Variants in MSANTD2 observed in about 807,000 individuals in gnomAD.
The protein encoded by MSANTD2 is myb/SANT-like DNA-binding domain-containing protein 2.
Under a neutral mutation model 52.6 loss-of-function variants are expected in MSANTD2, and 19 were observed. The ratio of observed to expected loss-of-function variants is 0.36; its 90% CI spans 0.25 to 0.53. MSANTD2 has a LOEUF of 0.53. Among genes scored for constraint, MSANTD2 ranks in the 20% least tolerant of loss-of-function variants. The pLI is 0.91. For synonymous variants in MSANTD2, 291 were observed against 289.7 expected (o/e 1.00, Z -0.04); for missense variants, 558 against 716.3 (o/e 0.78, Z 2.52).
At chr11:124,784,340 T>C (rs1349014763) in intron 1 of MSANTD2, 1 of 984,918 alleles carries the variant, frequency 1.0e-6, no homozygotes, top group African/African-American at 1.7e-5. Context: ...CTTTTATTAG[T>C]ATGTGATATC....
In MSANTD2 at chr11:124,780,230, C is replaced by A. The variant is rs142486958; in HGVS notation, c.511-5256G>T. On this transcript the variant is annotated intron_variant, in intron 1 of 3. Transcript: ENST00000374979. ...ATAAATTTCTATGTACATCTTTTGA[C>A]ACAGAGCTGTAACTAATGATTAGGA... Among the ~76,000 whole-genome samples the A allele has an allele frequency of 1.2e-3, 179 of 152,248 alleles. 1 individual carries two copies. The highest frequency in any genetic ancestry group is 4.4e-3 in the East Asian group (23 of 5,188).
chr11:124,799,456 C>A lies in MSANTD2; in HGVS notation c.510+415G>T, dbSNP rs565051285. Among the ~76,000 whole-genome samples, 53 of 152,350 alleles carry A rather than the reference C, an allele frequency of 3.5e-4. No individual in the cohort carries two copies. The East Asian group carries it at 3.9e-3, about 11-fold the overall frequency. ...CTAAACTAGGGGCTCAATGCCCCCC[C>A]CTTCTGCCCTTCCTCAATCCTGCCC... On this transcript the variant is annotated intron_variant, in intron 1 of 3. Transcript: ENST00000374979.
intron 2 of MSANTD2, 163 bp from the exon 3 acceptor site, chr11:124,773,217 A>G: frequency 1.9e-6 from 1 of 529,568 alleles, no homozygotes; most frequent in East Asian, 3.2e-5. Context: ...TATAGCTCTT[A>G]TATAATGAGA....
rs754554724 is a variant in MSANTD2 at position 124,800,291 on chromosome 11, G to A, written c.90C>T (p.Gly30=). The A allele has an allele frequency of 6.4e-7, 1 of 1,567,846 alleles. No homozygotes were observed. Among genetic ancestry groups the A allele is most frequent in the East Asian group, 2.6e-5 (1 of 38,588 alleles). ...ACAGCGATGGATTTCCGTCGCTCAGGCCACCAGGAGAAGCCGGGGAAAGCA... is the reference window on the plus strand; with the variant it reads ...ACAGCGATGGATTTCCGTCGCTCAGACCACCAGGAGAAGCCGGGGAAAGCA... ...MEVLSPASPG[G]LSDGNPSLSD... The change falls in exon 1 of 4, where the codon GGC becomes GGT. Residue 30 remains glycine, a synonymous_variant. Coordinates refer to ENST00000374979, the MANE Select transcript of MSANTD2 (RefSeq NM_001308027.2). The surrounding 1 kb of genome is among the most constrained non-coding windows in gnomAD (Gnocchi z 4.3).
intron 1 of MSANTD2, among the ~76,000 whole-genome samples, chr11:124,798,262 T>G (rs1400086317): frequency 8.6e-6 from 1 of 116,616 alleles, no homozygotes; most frequent in East Asian, 2.5e-4. Flanking sequence ...AAAAAAAAAT[T>G]TAATGAGCCA....
At chr11:124,773,113 G>A in intron 2 of MSANTD2, 59 bp from the exon 3 acceptor site, 1 of 932,748 alleles carries the variant, frequency 1.1e-6, no homozygotes, top group East Asian at 2.4e-5. Flanking sequence ...ATGCATGTAT[G>A]TAGATAAGTA....
rs766666511 is a variant in MSANTD2, at chr11:124,767,730, A to G, written c.1126T>C (p.Leu376=). 3 of 1,614,208 alleles carry G rather than the reference A, an allele frequency of 1.9e-6. No individual in the cohort carries two copies. Among genetic ancestry groups the G allele is most frequent in the Non-Finnish European group, 2.5e-6 (3 of 1,180,030 alleles). ...MNWKNVYYKF[L]EITISEARCL... ...CTAGCTTCGCTAATAGTGATCTCTA[A>G]AAATTTGTAGTAAACATTTTTCCAG... The change falls in exon 4 of 4, where the codon TTA becomes CTA. Residue 376 remains leucine (L), a synonymous_variant. Coordinates refer to ENST00000374979, the MANE Select transcript of MSANTD2 (RefSeq NM_001308027.2). The surrounding 1 kb of genome is among the most constrained non-coding windows in gnomAD (Gnocchi z 6.5).
intron 1 of MSANTD2, among the ~76,000 whole-genome samples, chr11:124,796,604 A>C (rs1945502632): frequency 6.6e-6 from 1 of 152,132 alleles, no homozygotes; most frequent in Non-Finnish European, 1.5e-5. Context: ...GCGCTACTGT[A>C]CCCGGCTCAT....
At chr11:124,775,241 T>A (rs2135239484) in intron 1 of MSANTD2, 1 of 299,616 alleles carries the variant, frequency 3.3e-6, no homozygotes, top group East Asian at 6.9e-5. Flanking sequence ...ATGTACCCCA[T>A]ACACATATTT....
chr11:124,797,139 C>T (rs1945520725), intron 1 of MSANTD2, among the ~76,000 whole-genome samples: 1 of 152,154 alleles, frequency 6.6e-6, no homozygotes, highest in Admixed American at 6.5e-5. Context: ...AATAATACTG[C>T]TGCAGATTTT....
At chr11:124,768,169 C>T (rs771688415) in intron 3 of MSANTD2, 141 bp from the exon 4 acceptor site, 1 of 706,408 alleles carries the variant, frequency 1.4e-6, no homozygotes, top group Non-Finnish European at 2.3e-6. Context: ...TGAGGTATTA[C>T]ATTTTTAATT....
rs762984638 is a variant in MSANTD2 at position 124,767,371 on chromosome 11, C to T, written c.1485G>A (p.Ala495=). 14 of 1,614,178 alleles carry T rather than the reference C, an allele frequency of 8.7e-6. No homozygotes were observed. Among genetic ancestry groups the T allele is most frequent in the African/African-American group, 2.7e-5 (2 of 75,042 alleles). Residue 495 remains alanine, a synonymous_variant, in exon 4 of 4, where the codon GCG becomes GCA. Transcript: ENST00000374979. This position sits in a 1 kb window ranked among gnomAD's most constrained non-coding sequence, Gnocchi z 6.5. ...AATCTTTGCTGAAGGTTTTGGTATT[C>T]GCTTGGAAATGTAAAAATAAGCACT... is the stretch of plus-strand genomic sequence containing the variant. ...LQQCLFLHFQ[A]NTKTFSKDWV...
chr11:124,796,592 A>C (rs1165230769), intron 1 of MSANTD2, among the ~76,000 whole-genome samples: 2 of 152,172 alleles, frequency 1.3e-5, no homozygotes, highest in African/African-American at 4.8e-5. Context: ...GACAACAGGG[A>C]AGCGCTACTG....
intron 1 of MSANTD2, among the ~76,000 whole-genome samples, chr11:124,797,909 C>G (rs1191504268): frequency 6.6e-6 from 1 of 152,164 alleles, no homozygotes; most frequent in Admixed American, 6.5e-5. Flanking sequence ...CAATTAGATA[C>G]TCCCTGGTTG....
chr11:124,790,661 A>G (rs1741414456), intron 1 of MSANTD2: 1 of 152,260 alleles, frequency 6.6e-6, no homozygotes, highest in Non-Finnish European at 1.5e-5. Context: ...ACAGCCAGGG[A>G]CTGTTTTAAA....
chr11:124,767,100 T>C lies in MSANTD2; in HGVS notation c.*76A>G. The C allele has an allele frequency of 7.0e-7, 1 of 1,419,324 alleles. No homozygotes were observed. The highest frequency in any genetic ancestry group is 9.5e-7 in the Non-Finnish European group (1 of 1,047,744). The allele number at this position is 1,419,324 out of a possible 1,614,324, so 87.9% of individuals were successfully genotyped here. A position where few individuals can be genotyped will look rare whatever the true frequency, so the allele number is the denominator to read the frequency against. On this transcript the variant is annotated 3_prime_UTR_variant, in exon 4 of 4. Coordinates refer to ENST00000374979, the MANE Select transcript of MSANTD2 (RefSeq NM_001308027.2). This position sits in a 1 kb window ranked among gnomAD's most constrained non-coding sequence, Gnocchi z 6.5. ...GAAGAGTCTGACGGCGGCATCTGGA[T>C]GAGGGGTGGTCCGGGTAATGGGAAG...
At chr11:124,784,264 TC>T (rs1482264275) in intron 1 of MSANTD2, 2 of 985,290 alleles carry the variant, frequency 2.0e-6, no homozygotes, top group Non-Finnish European at 2.4e-6. Context: ...CCTCTTTGAA[TC>T]TTTTTCTCAG....
chr11:124,772,325 C>T (rs1944556151), intron 3 of MSANTD2, among the ~76,000 whole-genome samples: 2 of 152,212 alleles, frequency 1.3e-5, no homozygotes, highest in Non-Finnish European at 1.5e-5. Flanking sequence ...TGTCCACATC[C>T]ACACACAGGC....
chr11:124,794,561 T>C (rs1347926578), intron 1 of MSANTD2, among the ~76,000 whole-genome samples: 1 of 152,202 alleles, frequency 6.6e-6, no homozygotes, highest in East Asian at 1.9e-4. Flanking sequence ...AATCTTTCAA[T>C]GAGAAGATAG....
Sources: gnomAD v4.1 joint callset for allele counts (sites outside exome capture counted in the v4.1 genomes callset) on GRCh38, gnomAD v4.1.1 for gene constraint, Gnocchi (gnomAD v3.1) non-coding constraint, MANE v1.5 for transcripts, NCBI Gene and HGNC (gene_info 2026-07-23, HGNC 2026-07-21) for gene names.